Variants in DIS3L2 observed in about 807,000 individuals in gnomAD.
DIS3L2 encodes the protein DIS3-like exonuclease 2.
Under a neutral mutation model 97.5 loss-of-function variants are expected in DIS3L2, and 34 were observed. The ratio of observed to expected loss-of-function variants is 0.35; its 90% confidence interval spans 0.27 to 0.46. DIS3L2 has a LOEUF of 0.46. DIS3L2 is among the 20% of genes least tolerant of loss of function. DIS3L2 has a pLI of 1.00. For missense variants in DIS3L2, 1,038 were observed against 1,146.0 expected, an observed-to-expected ratio of 0.91 and a Z score of 1.36; for synonymous variants, 435 against 445.2, an observed-to-expected ratio of 0.98 and a Z score of 0.29.
downstream of DIS3L2, among the ~76,000 whole-genome samples, chr2:232,342,087 A>G (rs928250419): frequency 2.1e-5 from 3 of 145,948 alleles, no homozygotes; most frequent in Non-Finnish European, 3.0e-5. Flanking sequence ...ATAATAGAAC[A>G]TCAGTAGGCT....
chr2:231,992,792 GAA>G (rs1475829798), intron 1 of DIS3L2, among the ~76,000 whole-genome samples: 1 of 152,032 alleles, frequency 6.6e-6, no homozygotes, highest in Non-Finnish European at 1.5e-5. Flanking sequence ...AAGCCTCCAG[GAA>G]GTAGAGAAAA....
chr2:232,295,730 A>G (rs1220844489), intron 13 of DIS3L2, among the ~76,000 whole-genome samples: 1 of 152,108 alleles, frequency 6.6e-6, no homozygotes, highest in African/African-American at 2.4e-5. Flanking sequence ...CTGGCTTTCT[A>G]TTCGTTTTTC....
chr2:231,976,427 C>T (rs1376058331), intron 1 of DIS3L2, among the ~76,000 whole-genome samples: 6 of 151,834 alleles, frequency 4.0e-5, no homozygotes, highest in Non-Finnish European at 7.4e-5. Flanking sequence ...CTCAGGAGTT[C>T]GAGACCAACC....
intron 11 of DIS3L2, among the ~76,000 whole-genome samples, chr2:232,245,456 C>T (rs1462480085): frequency 6.6e-6 from 1 of 152,316 alleles, no homozygotes; most frequent in Non-Finnish European, 1.5e-5. Context: ...AATTAGGCCC[C>T]ATTTATGAGA....
intron 6 of DIS3L2, among the ~76,000 whole-genome samples, chr2:232,125,365 C>T (rs752556723): frequency 3.3e-5 from 5 of 152,344 alleles, no homozygotes; most frequent in Non-Finnish European, 5.9e-5. Flanking sequence ...TCCAGCATTT[C>T]AGGAGGTCCC....
chr2:232,140,490 T>G (rs1353623856), intron 8 of DIS3L2, among the ~76,000 whole-genome samples: 1 of 152,136 alleles, frequency 6.6e-6, no homozygotes, highest in Admixed American at 6.6e-5. Flanking sequence ...AGGAGTAATT[T>G]GGAACAGAAA....
Position 231,975,895 on chromosome 2 carries a change from C to T in DIS3L2, c.-94+14130C>T, listed in dbSNP as rs552757175. 5.3e-5 allele frequency among the ~76,000 whole-genome samples: 8 copies of T among 151,994 alleles called. No individual in the cohort carries two copies. The South Asian group carries it at 1.7e-3, about 32-fold the overall frequency. On this transcript the variant is annotated intron_variant, in intron 1 of 20. Transcript: ENST00000325385. ...AACTATTACTTTCCTGTTCTTTATT[C>T]TCACTTATTTCTATGTTCTCATTCC...
chr2:232,202,184 G>A (rs1247485232), intron 9 of DIS3L2, among the ~76,000 whole-genome samples: 13 of 152,174 alleles, frequency 8.5e-5, no homozygotes, highest in Non-Finnish European at 2.9e-5. Context: ...TGGATCACGA[G>A]GTCAAGAGAT....
rs372692836 is a variant in DIS3L2 at position 232,108,158 on chromosome 2, A to G, written c.601+20437A>G. Reference sequence around the variant, plus strand: ...AAAAAAATATTGGCAAACCGAGTTCAGCAGCTCATCAAAAAGCTGATCAAG... The same window carrying G: ...AAAAAAATATTGGCAAACCGAGTTCGGCAGCTCATCAAAAAGCTGATCAAG... On this transcript the variant is annotated intron_variant, in intron 6 of 20. Coordinates refer to ENST00000325385, the MANE Select transcript of DIS3L2 (RefSeq NM_152383.5). Among the ~76,000 whole-genome samples the G allele has an allele frequency of 3.3e-5, 5 of 152,208 alleles. No individual in the cohort carries two copies. In the South Asian group the frequency reaches 1.0e-3, roughly 31 times the overall value.
intron 8 of DIS3L2, among the ~76,000 whole-genome samples, chr2:232,153,988 A>T (rs1263076337): frequency 7.0e-6 from 1 of 143,214 alleles, no homozygotes; most frequent in Non-Finnish European, 1.5e-5. Flanking sequence ...CTTCCAGTTG[A>T]TCGCATCGGC....
intron 9 of DIS3L2, chr2:232,172,589 T>A (rs1328170645): frequency 2.2e-6 from 1 of 450,086 alleles, no homozygotes; most frequent in Non-Finnish European, 4.7e-6. Flanking sequence ...TGAATAATGC[T>A]GCTATGAATA....
chr2:232,234,874 C>T (rs1418017819), intron 10 of DIS3L2, among the ~76,000 whole-genome samples: 1 of 152,170 alleles, frequency 6.6e-6, no homozygotes, highest in African/African-American at 2.4e-5. Flanking sequence ...CTTCCCCTAC[C>T]AGAGCTCTTC....
At chr2:231,992,752 C>G (rs1329832736) in intron 1 of DIS3L2, among the ~76,000 whole-genome samples, 1 of 152,142 alleles carries the variant, frequency 6.6e-6, no homozygotes, top group Non-Finnish European at 1.5e-5. Flanking sequence ...TTCTCGAAAT[C>G]TTGATTTTCT....
intron 9 of DIS3L2, among the ~76,000 whole-genome samples, chr2:232,164,909 G>A (rs994953297): frequency 1.3e-5 from 2 of 152,128 alleles, no homozygotes; most frequent in African/African-American, 4.8e-5. Flanking sequence ...TTTGTTTTCT[G>A]AGGTCATTTC....
intron 6 of DIS3L2, among the ~76,000 whole-genome samples, chr2:232,114,522 C>T (rs1293368210): frequency 6.6e-6 from 1 of 152,148 alleles, no homozygotes; most frequent in Non-Finnish European, 1.5e-5. Context: ...AGGGGACATT[C>T]AGGTTATGAC....
At position 232,084,607 on chromosome 2, in the gene DIS3L2, CT is replaced by C. The variant is rs562456319; in HGVS notation, c.367-2874del. 2.0e-5 allele frequency among the ~76,000 whole-genome samples: 3 copies of C among 152,198 alleles called. No homozygotes were observed. In the South Asian group the frequency reaches 6.2e-4, roughly 32 times the overall value. Reference sequence around the variant, plus strand: ...GAGATTGCTGGCCTGGCCAGTAGAACTTTTTTGTAGTATTAAAGAGAGGGAG... The same window carrying C: ...GAGATTGCTGGCCTGGCCAGTAGAACTTTTTGTAGTATTAAAGAGAGGGAG... On this transcript the variant is annotated intron_variant, in intron 5 of 20. Transcript: ENST00000325385.
intron 9 of DIS3L2, among the ~76,000 whole-genome samples, chr2:232,182,304 A>C (rs1691307650): frequency 6.6e-6 from 1 of 152,088 alleles, no homozygotes; most frequent in East Asian, 1.9e-4. Flanking sequence ...CATACTTTGC[A>C]TGATTTTAGT....
chr2:232,260,929 G>A (rs1693696705), intron 12 of DIS3L2, among the ~76,000 whole-genome samples: 1 of 152,186 alleles, frequency 6.6e-6, no homozygotes, highest in Non-Finnish European at 1.5e-5. Context: ...GAGAGCTTGT[G>A]AACAGAAGGG....
At chr2:232,127,694 T>C (rs758899579) in intron 6 of DIS3L2, among the ~76,000 whole-genome samples, 10 of 152,210 alleles carry the variant, frequency 6.6e-5, no homozygotes, top group Non-Finnish European at 1.5e-4. Flanking sequence ...CATTCTCATC[T>C]CTAGCCATGC....
Sources: allele counts gnomAD v4.1 joint callset (sites outside exome capture counted in the v4.1 genomes callset), GRCh38; gene constraint gnomAD v4.1.1; transcripts MANE v1.5; gene names NCBI Gene and HGNC (gene_info 2026-07-23, HGNC 2026-07-21).